BNC2: variants seen among roughly 807,000 people sequenced by gnomAD.
BNC2 encodes the protein basonuclin zinc finger protein 2, also known as zinc finger protein basonuclin-2.
Under a neutral mutation model 76.3 loss-of-function variants are expected in BNC2, and 20 were observed. That is an observed-to-expected ratio of 0.26 (90% confidence interval 0.18 to 0.38). The LOEUF is 0.38. BNC2 is among the 10% of genes least tolerant of loss of function. BNC2 has a pLI of 1.00. For missense variants in BNC2, 1,382 were observed against 1,399.8 expected, an observed-to-expected ratio of 0.99 and a Z score of 0.20; for synonymous variants, 582 against 514.8, an observed-to-expected ratio of 1.13 and a Z score of -1.77.
intron 4 of BNC2, 87 bp downstream of exon 4, chr9:16,582,892 GACAC>G (rs149223772): frequency 4.4e-3 from 2,741 of 624,454 alleles, no homozygotes; most frequent in East Asian, 0.012. Context: ...CCTCTAAACA[GACAC>G]ACACACACAC....
chr9:16,758,543 C>A (rs1825460271), intron 1 of BNC2, among the ~76,000 whole-genome samples: 1 of 152,108 alleles, frequency 6.6e-6, no homozygotes, highest in Non-Finnish European at 1.5e-5. Flanking sequence ...ATTGGCCAGG[C>A]AGCTCTCAAA....
intron 3 of BNC2, among the ~76,000 whole-genome samples, chr9:16,598,822 G>A (rs375635069): frequency 2.6e-5 from 4 of 152,068 alleles, no homozygotes; most frequent in South Asian, 2.1e-4. Flanking sequence ...ATATATCCTG[G>A]GCAATACCTA....
At chr9:16,470,172 T>A (rs1239719905) in intron 5 of BNC2, among the ~76,000 whole-genome samples, 1 of 151,846 alleles carries the variant, frequency 6.6e-6, no homozygotes, top group African/African-American at 2.4e-5. Flanking sequence ...TAATTTTTTA[T>A]ATTTTTAGTA....
At chr9:16,766,035 C>T (rs1825683290) in intron 1 of BNC2, among the ~76,000 whole-genome samples, 1 of 152,166 alleles carries the variant, frequency 6.6e-6, no homozygotes, top group Non-Finnish European at 1.5e-5. Flanking sequence ...GATCCGCCCG[C>T]CTTGGCCTCC....
chr9:16,552,381 C>T (rs1818689646), intron 5 of BNC2, 149 bp downstream of exon 5: 1 of 730,272 alleles, frequency 1.4e-6, no homozygotes, highest in Non-Finnish European at 2.4e-6. Context: ...TTGTCTCTCT[C>T]CTTTCCCCTT....
intron 1 of BNC2, among the ~76,000 whole-genome samples, chr9:16,813,202 A>G (rs1447461105): frequency 6.6e-6 from 1 of 152,078 alleles, no homozygotes; most frequent in Non-Finnish European, 1.5e-5. Flanking sequence ...TCTCAAAAAG[A>G]AGAAAAACTC....
chr9:16,495,051 G>C (rs1460519319), intron 5 of BNC2, among the ~76,000 whole-genome samples: 1 of 152,192 alleles, frequency 6.6e-6, no homozygotes, highest in Non-Finnish European at 1.5e-5. Flanking sequence ...TAGCAAGTGT[G>C]ACTTTCCATG....
Position 16,601,947 on chromosome 9 carries a change from G to A in BNC2, c.331-18862C>T, listed in dbSNP as rs578201804. Among the ~76,000 whole-genome samples the A allele has an allele frequency of 4.6e-5, 7 of 152,280 alleles. No homozygotes were observed. In the South Asian group the frequency reaches 1.5e-3, roughly 32 times the overall value. On this transcript the variant is annotated intron_variant, in intron 3 of 6. Coordinates refer to ENST00000380672, the MANE Select transcript of BNC2 (RefSeq NM_017637.6). ...ACCCCTCCAATATAATAAGTGCTCA[G>A]TAATGTTTCTCTTCCCTGTCTTCTA... is the stretch of plus-strand genomic sequence containing the variant.
At chr9:16,779,223 G>A (rs1233115477) in intron 1 of BNC2, among the ~76,000 whole-genome samples, 1 of 149,730 alleles carries the variant, frequency 6.7e-6, no homozygotes, top group East Asian at 2.0e-4. Context: ...AGGACAGCTT[G>A]AGCCCAGAAG....
At chr9:16,518,310 T>C (rs1243312722) in intron 5 of BNC2, among the ~76,000 whole-genome samples, 2 of 151,992 alleles carry the variant, frequency 1.3e-5, no homozygotes, top group African/African-American at 4.8e-5. Context: ...GGTGTGCACC[T>C]GTGGTCCCAG....
chr9:16,761,390 T>C (rs1450353023), intron 1 of BNC2, among the ~76,000 whole-genome samples: 3 of 152,206 alleles, frequency 2.0e-5, no homozygotes, highest in East Asian at 3.8e-4. Context: ...AAAACTAATA[T>C]TATACCTATA....
intron 1 of BNC2, among the ~76,000 whole-genome samples, chr9:16,753,355 A>G (rs1563927720): frequency 6.6e-6 from 1 of 152,356 alleles, no homozygotes; most frequent in Admixed American, 6.5e-5. Flanking sequence ...ATAACTGTAA[A>G]TCTTTGTAAT....
At chr9:16,578,032 TAAAAAA>T (rs869124093) in intron 4 of BNC2, among the ~76,000 whole-genome samples, 1 of 151,028 alleles carries the variant, frequency 6.6e-6, no homozygotes, top group Non-Finnish European at 1.5e-5. Context: ...ACAGTGGAAT[TAAAAAA>T]AAATTTTTTT....
chr9:16,544,082 G>C (rs903625884), intron 5 of BNC2, among the ~76,000 whole-genome samples: 1 of 152,004 alleles, frequency 6.6e-6, no homozygotes, highest in Non-Finnish European at 1.5e-5. Flanking sequence ...ATCTTTACTT[G>C]GTATCAAATA....
intron 1 of BNC2, among the ~76,000 whole-genome samples, chr9:16,799,235 T>C (rs571899459): frequency 3.6e-4 from 55 of 152,274 alleles, no homozygotes; most frequent in African/African-American, 1.2e-3. Context: ...ACTGATAATA[T>C]TGACCTATTT....
chr9:16,706,673 T>C (rs917320270), intron 3 of BNC2, among the ~76,000 whole-genome samples: 2 of 152,212 alleles, frequency 1.3e-5, no homozygotes, highest in Non-Finnish European at 2.9e-5. Context: ...TCTTTTTCTT[T>C]CCTTTAAACA....
intron 1 of BNC2, among the ~76,000 whole-genome samples, chr9:16,794,983 C>G (rs895858655): frequency 1.3e-5 from 2 of 152,154 alleles, no homozygotes; most frequent in African/African-American, 4.8e-5. Context: ...CAAATACTCT[C>G]TCCTCCTCCA....
chr9:16,695,868 A>G (rs1456967943), intron 3 of BNC2, among the ~76,000 whole-genome samples: 1 of 151,872 alleles, frequency 6.6e-6, no homozygotes, highest in Non-Finnish European at 1.5e-5. Context: ...TAAACAAGCA[A>G]ATAGGTTCAC....
At chr9:16,619,302 T>C (rs1476228583) in intron 3 of BNC2, among the ~76,000 whole-genome samples, 2 of 151,286 alleles carry the variant, frequency 1.3e-5, no homozygotes, top group East Asian at 3.9e-4. Context: ...CATAATGCTT[T>C]AGAAAAACAA....
Sources: gnomAD v4.1 joint callset for allele counts (sites outside exome capture counted in the v4.1 genomes callset) on GRCh38, gnomAD v4.1.1 for gene constraint, MANE v1.5 for transcripts, NCBI Gene and HGNC (gene_info 2026-07-23, HGNC 2026-07-21) for gene names.